The following KCNIP4 variants were observed in gnomAD, a reference collection of about 807,000 sequenced individuals.
The protein encoded by KCNIP4 is potassium voltage-gated channel interacting protein 4.
Under a neutral mutation model 34.0 loss-of-function variants are expected in KCNIP4, and 12 were observed. The ratio of observed to expected loss-of-function variants is 0.35; its 90% CI spans 0.23 to 0.57. The LOEUF (loss-of-function observed/expected upper bound fraction) is 0.57. Among genes scored for constraint, KCNIP4 ranks in the 20% least tolerant of loss-of-function variants. The probability of loss-of-function intolerance (pLI) is 0.83; values close to 1 mark genes in which losing one functional copy is unlikely to be tolerated. For missense variants in KCNIP4, 238 were observed against 311.7 expected, an observed-to-expected ratio of 0.76 and a Z score of 1.78; for synonymous variants, 124 against 102.2, an observed-to-expected ratio of 1.21 and a Z score of -1.29.
intron 1 of KCNIP4, among the ~76,000 whole-genome samples, chr4:21,270,029 TAACTC>T (rs1209287823): frequency 1.3e-5 from 2 of 152,178 alleles, no homozygotes; most frequent in African/African-American, 4.8e-5. Context: ...GTTGAGTACT[TAACTC>T]AATAAGCAAA....
At chr4:21,170,802 A>C (rs1001588956) in intron 1 of KCNIP4, among the ~76,000 whole-genome samples, 98 of 152,326 alleles carry the variant, frequency 6.4e-4, no homozygotes, top group African/African-American at 2.3e-3. Flanking sequence ...GCTGAATTAC[A>C]TTTTTGTATG....
chr4:20,870,787 T>C (rs1178170506), intron 2 of KCNIP4, among the ~76,000 whole-genome samples: 1 of 152,138 alleles, frequency 6.6e-6, no homozygotes, highest in Non-Finnish European at 1.5e-5. Flanking sequence ...CCTGAATGGT[T>C]TGCTATTCCC....
intron 1 of KCNIP4, among the ~76,000 whole-genome samples, chr4:21,751,869 A>G (rs1417235009): frequency 6.6e-6 from 1 of 152,196 alleles, no homozygotes; most frequent in Non-Finnish European, 1.5e-5. Flanking sequence ...GTGCATAGCC[A>G]CAATATGAAA....
At chr4:21,604,175 T>C (rs999606909) in intron 1 of KCNIP4, among the ~76,000 whole-genome samples, 1 of 152,166 alleles carries the variant, frequency 6.6e-6, no homozygotes, top group Admixed American at 6.5e-5. Context: ...CTACATATAA[T>C]AGTGCTAATG....
chr4:20,832,484 G>T (rs1052965445), intron 3 of KCNIP4, among the ~76,000 whole-genome samples: 1 of 151,912 alleles, frequency 6.6e-6, no homozygotes, highest in African/African-American at 2.4e-5. Context: ...CCTAATTTTT[G>T]GTAAATTTAA....
chr4:21,004,658 A>G (rs1435168365), intron 1 of KCNIP4, among the ~76,000 whole-genome samples: 1 of 152,210 alleles, frequency 6.6e-6, no homozygotes, highest in Middle Eastern at 3.2e-3. Flanking sequence ...CCTTGTGTCA[A>G]AAGCCAAAAA....
intron 1 of KCNIP4, among the ~76,000 whole-genome samples, chr4:21,198,783 T>G (rs1421160704): frequency 2.0e-5 from 3 of 152,184 alleles, no homozygotes; most frequent in Admixed American, 2.0e-4. Flanking sequence ...ATGAGGTGCT[T>G]CTTCTGCAGC....
intron 1 of KCNIP4, among the ~76,000 whole-genome samples, chr4:21,277,271 T>C (rs1234696406): frequency 6.6e-6 from 1 of 152,092 alleles, no homozygotes; most frequent in Non-Finnish European, 1.5e-5. Context: ...TGCTCAGTCA[T>C]ACAGAATGCA....
chr4:20,978,461 T>C (rs139899154), intron 1 of KCNIP4, among the ~76,000 whole-genome samples: 53 of 152,350 alleles, frequency 3.5e-4, no homozygotes, highest in Non-Finnish European at 5.1e-4. Flanking sequence ...AGGATAACTG[T>C]ACAATTAAGG....
chr4:21,096,924 A>T (rs1294707877), intron 1 of KCNIP4, among the ~76,000 whole-genome samples: 1 of 152,164 alleles, frequency 6.6e-6, no homozygotes, highest in East Asian at 1.9e-4. Context: ...TTCCCCAAAT[A>T]TACAATTAAT....
rs1000682291 is a variant in KCNIP4, at chr4:21,275,823, G to T, written c.62-393114C>A. On this transcript the variant is annotated intron_variant, in intron 1 of 8. Coordinates refer to ENST00000382152, the MANE Select transcript of KCNIP4 (RefSeq NM_025221.6). Reference sequence around the variant, plus strand: ...GGAGGCTTTGCCTTCATGCATGAGGGTCAAGCAGTACTTTACTATGAGATA... The same window carrying T: ...GGAGGCTTTGCCTTCATGCATGAGGTTCAAGCAGTACTTTACTATGAGATA... 4.6e-5 allele frequency among the ~76,000 whole-genome samples: 7 copies of T among 152,232 alleles called. No homozygotes were observed. The East Asian group carries it at 1.4e-3, about 29-fold the overall frequency.
At chr4:21,427,346 T>A (rs1388757565) in intron 1 of KCNIP4, among the ~76,000 whole-genome samples, 2 of 152,136 alleles carry the variant, frequency 1.3e-5, no homozygotes, top group Non-Finnish European at 2.9e-5. Context: ...TTTTATTTTT[T>A]CTTCATTATT....
At chr4:21,852,129 A>G (rs1259685006) in intron 1 of KCNIP4, 3 of 152,120 alleles carry the variant, frequency 2.0e-5, no homozygotes, top group African/African-American at 7.2e-5. Flanking sequence ...TTACAAACCA[A>G]TAAGGTCACT....
intron 1 of KCNIP4, among the ~76,000 whole-genome samples, chr4:21,515,571 G>A (rs11735285): frequency 0.18 from 26,781 of 151,930 alleles, 2,755 homozygotes; most frequent in Middle Eastern, 0.26. Flanking sequence ...TCCTGGAGGC[G>A]GAGCTTGCAG....
chr4:21,747,567 T>A (rs986999065), intron 1 of KCNIP4, among the ~76,000 whole-genome samples: 5 of 152,134 alleles, frequency 3.3e-5, no homozygotes, highest in African/African-American at 1.2e-4. Flanking sequence ...ATACCAAGAT[T>A]CAAAGTACAC....
At chr4:20,890,946 G>A (rs1019192754) in intron 1 of KCNIP4, among the ~76,000 whole-genome samples, 5 of 152,078 alleles carry the variant, frequency 3.3e-5, no homozygotes, top group Non-Finnish European at 5.9e-5. Flanking sequence ...GCTGCTTTTT[G>A]TGTTACACAG....
At chr4:21,234,193 T>TATAACAC (rs1759095884) in intron 1 of KCNIP4, among the ~76,000 whole-genome samples, 2 of 106,354 alleles carry the variant, frequency 1.9e-5, no homozygotes, top group African/African-American at 4.4e-5. Flanking sequence ...ACGTATATTA[T>TATAACAC]ATATAACATA....
intron 1 of KCNIP4, among the ~76,000 whole-genome samples, chr4:21,913,434 C>T (rs1448561978): frequency 2.0e-5 from 3 of 151,732 alleles, no homozygotes; most frequent in Admixed American, 6.6e-5. Context: ...CAGTATTCCT[C>T]CCCACCATGA....
chr4:21,179,559 A>G (rs921915606), intron 1 of KCNIP4, among the ~76,000 whole-genome samples: 11 of 152,186 alleles, frequency 7.2e-5, no homozygotes, highest in African/African-American at 2.7e-4. Context: ...ATGTTATGGG[A>G]AATTCTTTAG....
Sources: allele counts gnomAD v4.1 joint callset (sites outside exome capture counted in the v4.1 genomes callset), GRCh38; gene constraint gnomAD v4.1.1; transcripts MANE v1.5; gene names NCBI Gene and HGNC (gene_info 2026-07-23, HGNC 2026-07-21).